COP1: variants seen among roughly 807,000 people sequenced by gnomAD.
COP1 encodes COP1 E3 ubiquitin ligase, also known as E3 ubiquitin-protein ligase COP1.
In COP1, 24 loss-of-function variants were observed where a neutral mutation model predicts 101.3. The ratio of observed to expected loss-of-function variants is 0.24; its 90% CI spans 0.17 to 0.33. The LOEUF is 0.33. Ranked by LOEUF, COP1 falls within the 10% of genes least tolerant of loss-of-function variation. The pLI, the probability that COP1 is intolerant of heterozygous loss-of-function variation, is 1.00. For missense variants in COP1, 663 were observed against 906.2 expected (o/e 0.73, Z 3.45); for synonymous variants, 347 against 341.9 (o/e 1.01, Z -0.17).
At chr1:176,151,116 G>A (rs774128418) in intron 5 of COP1, among the ~76,000 whole-genome samples, 1 of 151,808 alleles carries the variant, frequency 6.6e-6, no homozygotes, top group Non-Finnish European at 1.5e-5. Flanking sequence ...AGTCCAAGAA[G>A]TCAATTCTCT....
At chr1:176,116,803 T>C (rs1686262395) in intron 8 of COP1, 122 bp from the exon 9 acceptor site, 1 of 700,428 alleles carries the variant, frequency 1.4e-6, no homozygotes, top group Non-Finnish European at 2.4e-6. Flanking sequence ...CAAGAAAATA[T>C]TTATTGCCAA....
At chr1:176,151,588 C>T (rs886639284) in intron 5 of COP1, among the ~76,000 whole-genome samples, 1 of 152,042 alleles carries the variant, frequency 6.6e-6, no homozygotes, top group Non-Finnish European at 1.5e-5. Flanking sequence ...TATTTTCCTA[C>T]CCTTCTCTGC....
chr1:176,119,963 G>A (rs1246655963), intron 8 of COP1, among the ~76,000 whole-genome samples: 1 of 152,158 alleles, frequency 6.6e-6, no homozygotes, highest in South Asian at 2.1e-4. Flanking sequence ...TCAAACCCAA[G>A]CAGTCAAGTC....
intron 15 of COP1, among the ~76,000 whole-genome samples, chr1:176,013,576 T>A (rs1665069020): frequency 6.6e-6 from 1 of 152,168 alleles, no homozygotes; most frequent in Non-Finnish European, 1.5e-5. Flanking sequence ...AATTATTTCA[T>A]TATAATTCTC....
intron 10 of COP1, among the ~76,000 whole-genome samples, chr1:176,084,721 T>G (rs1320234627): frequency 1.3e-5 from 2 of 152,214 alleles, no homozygotes; most frequent in Admixed American, 6.5e-5. Context: ...ATATATTTTT[T>G]CCTATACCAC....
intron 18 of COP1, among the ~76,000 whole-genome samples, chr1:175,981,633 A>C (rs1655897383): frequency 6.6e-6 from 1 of 152,218 alleles, no homozygotes; most frequent in Non-Finnish European, 1.5e-5. Flanking sequence ...CTGCAAAAGC[A>C]AAAACAGACA....
intron 9 of COP1, 80 bp from the exon 10 acceptor site, chr1:176,085,970 T>C (rs1680057169): frequency 1.5e-6 from 1 of 677,860 alleles, no homozygotes; most frequent in Admixed American, 2.4e-5. Flanking sequence ...GTTTGAGCAT[T>C]TACCCTCAGA....
At chr1:176,047,017 A>G (rs1444471444) in intron 11 of COP1, among the ~76,000 whole-genome samples, 1 of 152,144 alleles carries the variant, frequency 6.6e-6, no homozygotes, top group African/African-American at 2.4e-5. Flanking sequence ...GATCATTTTT[A>G]TATAAGCTCC....
intron 14 of COP1, among the ~76,000 whole-genome samples, chr1:176,034,451 C>G (rs188326572): frequency 3.3e-5 from 5 of 152,108 alleles, no homozygotes; most frequent in Admixed American, 1.3e-4. Flanking sequence ...ATGAAAAAGG[C>G]GAATCCCCAT....
chr1:176,082,427 G>T (rs1264112807), intron 10 of COP1, among the ~76,000 whole-genome samples: 1 of 152,100 alleles, frequency 6.6e-6, no homozygotes, highest in East Asian at 1.9e-4. Context: ...GCACAGTAAA[G>T]AATTTATGTT....
intron 1 of COP1, among the ~76,000 whole-genome samples, chr1:176,188,414 C>T (rs1698729865): frequency 6.6e-6 from 1 of 151,870 alleles, no homozygotes; most frequent in Admixed American, 6.5e-5. Context: ...AAGAATATAC[C>T]AACAGTAGGT....
chr1:176,174,060 T>C (rs1433997211), intron 3 of COP1, among the ~76,000 whole-genome samples: 1 of 144,708 alleles, frequency 6.9e-6, no homozygotes, highest in Non-Finnish European at 1.5e-5. Context: ...GGCAGTATAT[T>C]TTTATATTCC....
At chr1:176,201,412 C>T (rs1463576598) in intron 1 of COP1, among the ~76,000 whole-genome samples, 1 of 152,038 alleles carries the variant, frequency 6.6e-6, no homozygotes, top group Non-Finnish European at 1.5e-5. Flanking sequence ...TAAGAAAAAA[C>T]ATACACATAC....
chr1:176,093,792 A>G (rs1395598365), intron 9 of COP1, among the ~76,000 whole-genome samples: 1 of 152,126 alleles, frequency 6.6e-6, no homozygotes, highest in Non-Finnish European at 1.5e-5. Flanking sequence ...GTGAGCCGAG[A>G]TCAAGCCACT....
intron 5 of COP1, among the ~76,000 whole-genome samples, chr1:176,151,791 G>T (rs1192926409): frequency 6.6e-6 from 1 of 152,046 alleles, no homozygotes; most frequent in Non-Finnish European, 1.5e-5. Context: ...AAACACATTG[G>T]TCATAACTAT....
At chr1:176,041,909 C>T (rs1670616374) in intron 14 of COP1, among the ~76,000 whole-genome samples, 1 of 152,140 alleles carries the variant, frequency 6.6e-6, no homozygotes, top group Admixed American at 6.5e-5. Context: ...GTCAGGAGTT[C>T]GAGACCAGCC....
chr1:175,998,648 C>T (rs1028407392), intron 15 of COP1, among the ~76,000 whole-genome samples: 1 of 152,056 alleles, frequency 6.6e-6, no homozygotes, highest in African/African-American at 2.4e-5. Flanking sequence ...AGGGTTATTA[C>T]ATCCATTTAG....
At chr1:175,990,461 T>C (rs1015580249) in intron 15 of COP1, among the ~76,000 whole-genome samples, 4 of 152,190 alleles carry the variant, frequency 2.6e-5, no homozygotes, top group African/African-American at 9.6e-5. Context: ...TGCATGCTTC[T>C]ACTGTTGGCT....
chr1:175,961,722 A>G (rs1213775929), intron 18 of COP1, among the ~76,000 whole-genome samples: 1 of 149,486 alleles, frequency 6.7e-6, no homozygotes, highest in Non-Finnish European at 1.5e-5. Flanking sequence ...AAAAAAGAAT[A>G]TATTATAGAG....
Sources: allele counts gnomAD v4.1 joint callset (sites outside exome capture counted in the v4.1 genomes callset), GRCh38; gene constraint gnomAD v4.1.1; transcripts MANE v1.5; gene names NCBI Gene and HGNC (gene_info 2026-07-23, HGNC 2026-07-21).